The following GLT1D1 variants were observed in gnomAD, a reference collection of about 807,000 sequenced individuals.
GLT1D1 encodes the protein glycosyltransferase 1 domain containing 1.
A neutral mutation model predicts 28.7 loss-of-function variants in GLT1D1; 21 were observed. The observed-to-expected ratio is 0.73, with a 90% CI of 0.52 to 1.05. GLT1D1 has a LOEUF of 1.05. GLT1D1 is among the 50% of genes least tolerant of loss of function. The probability of loss-of-function intolerance (pLI) is 0.00; values close to 1 mark genes in which losing one functional copy is unlikely to be tolerated. For missense variants in GLT1D1, 343 were observed against 330.6 expected (o/e 1.04, Z -0.29); for synonymous variants, 147 against 124.8 (o/e 1.18, Z -1.19).
intron 4 of GLT1D1, among the ~76,000 whole-genome samples, chr12:128,925,136 A>C (rs1031561016): frequency 6.6e-6 from 1 of 151,400 alleles, no homozygotes; most frequent in Non-Finnish European, 1.5e-5. Context: ...ATCTGTATAC[A>C]TTTTCCTTTA....
At chr12:128,946,647 T>C (rs1407199292) in intron 5 of GLT1D1, among the ~76,000 whole-genome samples, 6 of 121,268 alleles carry the variant, frequency 4.9e-5, no homozygotes, top group Admixed American at 8.3e-5. Context: ...TTTTTTTTTT[T>C]TTTTTTTTTT....
At chr12:128,882,250 C>T (rs566422233) in intron 2 of GLT1D1, among the ~76,000 whole-genome samples, 18 of 150,282 alleles carry the variant, frequency 1.2e-4, no homozygotes, top group Admixed American at 2.7e-4. Flanking sequence ...ATACACATTA[C>T]GGATATATTG....
intron 1 of GLT1D1, among the ~76,000 whole-genome samples, chr12:128,855,578 T>G (rs1346764682): frequency 6.6e-6 from 1 of 151,794 alleles, no homozygotes; most frequent in Admixed American, 6.6e-5. Context: ...AAAACAAAAC[T>G]GTTAACGGAA....
At chr12:128,953,682 G>A (rs543787584) in intron 6 of GLT1D1, among the ~76,000 whole-genome samples, 1 of 151,948 alleles carries the variant, frequency 6.6e-6, no homozygotes, top group African/African-American at 2.4e-5. Flanking sequence ...GAGTGAGGAA[G>A]GGGCCAGATT....
rs1248261458 is a variant in GLT1D1, at chr12:128,983,320, A to G, written c.*230A>G. The G allele has an allele frequency of 6.1e-6, 3 of 494,838 alleles. No homozygotes were observed. Among genetic ancestry groups the G allele is most frequent in the Non-Finnish European group, 1.1e-5 (3 of 276,958 alleles). The allele number at this position is 494,838 out of a possible 1,614,324, so 30.7% of individuals were successfully genotyped here. On this transcript the variant is annotated 3_prime_UTR_variant, in exon 8 of 8. Transcript: ENST00000281703. The surrounding 1 kb of genome is among the most constrained non-coding windows in gnomAD (Gnocchi z 4.7). ...CACCAGCCAGTCCTGATGGAGGTGC[A>G]TGAGTGACTGGGTTGACTGGGACAG...
intron 4 of GLT1D1, among the ~76,000 whole-genome samples, chr12:128,940,401 G>T (rs763591461): frequency 6.6e-6 from 1 of 152,134 alleles, no homozygotes; most frequent in Non-Finnish European, 1.5e-5. Context: ...ATCCCAAGGT[G>T]CTAGAGTTCT....
chr12:128,908,636 G>T (rs976726581), intron 4 of GLT1D1, among the ~76,000 whole-genome samples: 1 of 143,398 alleles, frequency 7.0e-6, no homozygotes, highest in African/African-American at 2.4e-5. Context: ...TGTGGGACAC[G>T]GAGGGCAGCA....
rs371108604 is a variant in GLT1D1 at position 128,966,154 on chromosome 12, T to C, written c.639+8511T>C. Among the ~76,000 whole-genome samples the C allele has an allele frequency of 6.6e-5, 10 of 152,352 alleles. No homozygotes were observed. The East Asian group carries it at 1.7e-3, about 26-fold the overall frequency. On this transcript the variant is annotated intron_variant, in intron 7 of 7. Transcript: ENST00000281703. ...AACCACTGCATCTTTCTGTATTCAA[T>C]GAGCGGCTGGGAGTAGGAGTCCCTG... is the stretch of plus-strand genomic sequence containing the variant.
At chr12:128,905,673 C>T (rs1281770852) in intron 4 of GLT1D1, among the ~76,000 whole-genome samples, 1 of 152,132 alleles carries the variant, frequency 6.6e-6, no homozygotes, top group Non-Finnish European at 1.5e-5. Flanking sequence ...CTTAATTTGA[C>T]ATTGTACCTA....
chr12:128,944,456 G>T, intron 4 of GLT1D1: 2 of 1,336,154 alleles, frequency 1.5e-6, no homozygotes, highest in Non-Finnish European at 2.1e-6. Context: ...ACCATCTCTG[G>T]TTTATCATCC....
At position 128,947,474 on chromosome 12, in the gene GLT1D1, G is replaced by A. The variant is rs772936243; in HGVS notation, c.540+16G>A. 1.5e-5 allele frequency: 25 copies of A among 1,613,762 alleles called. No homozygotes were observed. Among genetic ancestry groups the A allele is most frequent in the African/African-American group, 8.0e-5 (6 of 74,910 alleles). ...AATTTTGGAGGTAATTATGTAACTC[G>A]AGTACTGAAAGTGGGAGTGTGAAAT... On this transcript the variant is annotated intron_variant, in intron 6 of 7. Coordinates refer to ENST00000281703, the MANE Select transcript of GLT1D1 (RefSeq NM_144669.3).
chr12:128,902,184 A>G (rs543688366), intron 4 of GLT1D1, among the ~76,000 whole-genome samples: 1 of 151,428 alleles, frequency 6.6e-6, no homozygotes, highest in Non-Finnish European at 1.5e-5. Flanking sequence ...CTTTAATATA[A>G]CTGAGTATGA....
At chr12:128,951,920 T>C (rs1224439136) in intron 6 of GLT1D1, among the ~76,000 whole-genome samples, 1 of 152,248 alleles carries the variant, frequency 6.6e-6, no homozygotes, top group African/African-American at 2.4e-5. Context: ...GTTGCATCTT[T>C]TCTGCTGAAC....
chr12:128,964,552 A>C (rs548377175), intron 7 of GLT1D1, among the ~76,000 whole-genome samples: 1 of 152,200 alleles, frequency 6.6e-6, no homozygotes, highest in African/African-American at 2.4e-5. Flanking sequence ...TGTGATGGAC[A>C]TGGTTCCCTC....
intron 3 of GLT1D1, 22 bp downstream of exon 3, chr12:128,888,766 T>C: frequency 2.1e-6 from 3 of 1,415,576 alleles, no homozygotes; most frequent in South Asian, 1.2e-5. Context: ...GAGAATTTCA[T>C]CCATGCCAAA....
intron 3 of GLT1D1, among the ~76,000 whole-genome samples, chr12:128,894,140 C>T (rs948333804): frequency 1.2e-4 from 18 of 152,168 alleles, no homozygotes; most frequent in African/African-American, 3.1e-4. Context: ...CCTCCTTCCG[C>T]GTCAGCACTG....
At chr12:128,907,468 G>A (rs1342490072) in intron 4 of GLT1D1, among the ~76,000 whole-genome samples, 1 of 152,072 alleles carries the variant, frequency 6.6e-6, no homozygotes, top group Admixed American at 6.6e-5. Flanking sequence ...ACCACACCCA[G>A]CTAATTTTTT....
intron 3 of GLT1D1, among the ~76,000 whole-genome samples, chr12:128,898,595 G>T (rs1436829514): frequency 1.3e-5 from 2 of 152,148 alleles, no homozygotes; most frequent in South Asian, 2.1e-4. Context: ...TTGAATTATT[G>T]ATTTTGTCAC....
chr12:128,908,672 G>A (rs534739537), intron 4 of GLT1D1, among the ~76,000 whole-genome samples: 2 of 151,902 alleles, frequency 1.3e-5, no homozygotes, highest in Non-Finnish European at 2.9e-5. Flanking sequence ...ACGACAGGCC[G>A]GGCGCGGTGG....
Sources: allele counts gnomAD v4.1 joint callset (sites outside exome capture counted in the v4.1 genomes callset), GRCh38; gene constraint gnomAD v4.1.1; non-coding constraint Gnocchi (gnomAD v3.1); transcripts MANE v1.5; gene names NCBI Gene and HGNC (gene_info 2026-07-23, HGNC 2026-07-21).